Variants in CREBBP observed in about 807,000 individuals in gnomAD.
CREBBP encodes the protein CREB-binding protein.
CREBBP carries 19 observed loss-of-function variants against 265.0 expected under a neutral mutation model. That is an observed-to-expected ratio of 0.07 (90% CI 0.05 to 0.11). The LOEUF (loss-of-function observed/expected upper bound fraction) is 0.11. Among genes scored for constraint, CREBBP ranks in the 10% least tolerant of loss-of-function variants. The pLI is 1.00. For synonymous variants in CREBBP, 1,457 were observed against 1,223.7 expected (o/e 1.19, Z -3.98); for missense variants, 2,525 against 3,219.0 (o/e 0.78, Z 5.22).
At chr16:3,799,559 T>C (rs112999691) in intron 3 of CREBBP, among the ~76,000 whole-genome samples, 8 of 152,360 alleles carry the variant, frequency 5.3e-5, no homozygotes, top group African/African-American at 1.9e-4. Context: ...CTTCTCATGA[T>C]TCATTGTTAA....
intron 1 of CREBBP, among the ~76,000 whole-genome samples, chr16:3,868,686 C>T (rs994668304): frequency 1.3e-5 from 2 of 152,110 alleles, no homozygotes; most frequent in Non-Finnish European, 2.9e-5. Context: ...CCCTGACCAC[C>T]CAGCCTGAGG....
At chr16:3,832,184 T>G (rs930450428) in intron 2 of CREBBP, among the ~76,000 whole-genome samples, 1 of 152,068 alleles carries the variant, frequency 6.6e-6, no homozygotes, top group Non-Finnish European at 1.5e-5. Flanking sequence ...AGTAACTGAA[T>G]CATAATTTTA....
At chr16:3,734,940 C>A (rs2052013700) in intron 28 of CREBBP, among the ~76,000 whole-genome samples, 1 of 152,224 alleles carries the variant, frequency 6.6e-6, no homozygotes, top group African/African-American at 2.4e-5. Flanking sequence ...CACGCAAGAG[C>A]CACCTCCATT....
At chr16:3,793,885 A>T (rs1596948811) in intron 3 of CREBBP, among the ~76,000 whole-genome samples, 1 of 152,316 alleles carries the variant, frequency 6.6e-6, no homozygotes, top group East Asian at 1.9e-4. Flanking sequence ...TCTTCACTGT[A>T]GCAACCAAAA....
intron 15 of CREBBP, among the ~76,000 whole-genome samples, 198 bp from the exon 16 acceptor site, chr16:3,768,107 A>G (rs1333650382): frequency 7.4e-6 from 1 of 135,348 alleles, no homozygotes; most frequent in Admixed American, 7.8e-5. Context: ...GCACAGAGTC[A>G]GTGCAATTAT....
chr16:3,827,227 A>T (rs1346334113), intron 2 of CREBBP, among the ~76,000 whole-genome samples: 1 of 152,146 alleles, frequency 6.6e-6, no homozygotes, highest in Non-Finnish European at 1.5e-5. Context: ...AAATGTGATA[A>T]GTATCAACAG....
intron 25 of CREBBP, 142 bp downstream of exon 25, chr16:3,739,436 A>C (rs1183609614): frequency 1.1e-6 from 1 of 950,092 alleles, no homozygotes; most frequent in Non-Finnish European, 1.6e-6. Flanking sequence ...AACAAAACTA[A>C]CTACTTTGGT....
At chr16:3,850,185 G>T in intron 2 of CREBBP, 112 bp downstream of exon 2, 1 of 1,012,626 alleles carries the variant, frequency 9.9e-7, no homozygotes. Context: ...GTGGCACGTG[G>T]AGAGCCCAAG....
rs117037831 is a variant in CREBBP at position 3,867,061 on chromosome 16, A to G, written c.85+12771T>C. Among the ~76,000 whole-genome samples, 822 of 152,316 alleles carry G rather than the reference A, an allele frequency of 5.4e-3. 6 individuals are homozygous for G. The highest frequency in any genetic ancestry group is 8.9e-3 in the Non-Finnish European group (607 of 68,022). On this transcript the variant is annotated intron_variant, in intron 1 of 30. Coordinates refer to ENST00000262367, the MANE Select transcript of CREBBP (RefSeq NM_004380.3). ...GAAAATGTTCTTAGAAGTCCTACCC[A>G]TCAAGAAACTTTATCTGCTTGGTGT...
intron 16 of CREBBP, among the ~76,000 whole-genome samples, chr16:3,759,563 G>A (rs1021348915): frequency 1.5e-5 from 2 of 137,930 alleles, no homozygotes; most frequent in Non-Finnish European, 3.0e-5. Context: ...CTCCAGCCTG[G>A]ACAACAAGAG....
chr16:3,735,566 G>A (rs898277968), intron 28 of CREBBP, among the ~76,000 whole-genome samples: 10 of 152,082 alleles, frequency 6.6e-5, no homozygotes, highest in South Asian at 2.1e-4. Context: ...AAAGTGCGGG[G>A]TTACAGGTGT....
At position 3,728,426 on chromosome 16, in the gene CREBBP, T is replaced by G; in HGVS notation, c.6621A>C (p.Gln2207His). The G allele has an allele frequency of 6.2e-7, 1 of 1,612,398 alleles. No homozygotes were observed. Among genetic ancestry groups the G allele is most frequent in the South Asian group, 1.1e-5 (1 of 90,944 alleles). The change falls in exon 31 of 31, where the codon CAA becomes CAC. Residue 2207 changes from glutamine to histidine, a missense_variant. Gln to His is a conservative substitution (Grantham distance 24). Transcript: ENST00000262367. This position sits in a 1 kb window ranked among gnomAD's most constrained non-coding sequence, Gnocchi z 8.7. Reference sequence around the variant, plus strand: ...GCTGCTGCTGCTGTTGCTGCTGTTGTTGCTGCTGCTGTTGCTGCTGCTGCT... The same window carrying G: ...GCTGCTGCTGCTGTTGCTGCTGTTGGTGCTGCTGCTGTTGCTGCTGCTGCT... ...LLQQQQQQQQQQQQQQQQQQG... is the reference protein window; with the variant it reads ...LLQQQQQQQQHQQQQQQQQQG...
chr16:3,768,311 A>G (rs2107514), intron 15 of CREBBP, among the ~76,000 whole-genome samples: 1 of 151,342 alleles, frequency 6.6e-6, no homozygotes, highest in South Asian at 2.1e-4. Context: ...ACACTCGGCT[A>G]ATTTTTTATA....
Position 3,729,494 on chromosome 16 carries a change from G to A in CREBBP, c.5553C>T (p.Arg1851=), listed in dbSNP as rs1398006284. Residue 1851 remains arginine (R), a synonymous_variant, in exon 31 of 31, where the codon CGC becomes CGT. Coordinates refer to ENST00000262367, the MANE Select transcript of CREBBP (RefSeq NM_004380.3). ...GCAGGCGGTGCTGGATCTGCTGCTG[G>A]CGGAGCTTGTGTTTGATGTTGAGGC... ...PFCLNIKHKL[R]QQQIQHRLQQ... 1.9e-6 allele frequency: 3 copies of A among 1,614,206 alleles called. No individual in the cohort carries two copies. Among genetic ancestry groups the A allele is most frequent in the East Asian group, 2.2e-5 (1 of 44,888 alleles).
intron 2 of CREBBP, among the ~76,000 whole-genome samples, chr16:3,811,200 T>A (rs1216810473): frequency 6.6e-6 from 1 of 152,224 alleles, no homozygotes; most frequent in Non-Finnish European, 1.5e-5. Context: ...TTTCCATTAG[T>A]TCAAAACACA....
intron 25 of CREBBP, among the ~76,000 whole-genome samples, 178 bp from the exon 26 acceptor site, chr16:3,738,850 ATCC>A (rs1253222518): frequency 3.3e-5 from 5 of 152,204 alleles, no homozygotes; most frequent in Admixed American, 6.5e-5. Flanking sequence ...GGCTCAAGCA[ATCC>A]TCCTGCCTCA....
At chr16:3,876,399 C>CAAAA (rs71133663) in intron 1 of CREBBP, among the ~76,000 whole-genome samples, 6 of 18,158 alleles carry the variant, frequency 3.3e-4, no homozygotes, top group African/African-American at 9.1e-4. Context: ...TAAAGCTGAC[C>CAAAA]AAAAAAAAAA....
chr16:3,856,020 T>G (rs1668721727), intron 1 of CREBBP, among the ~76,000 whole-genome samples: 1 of 152,370 alleles, frequency 6.6e-6, no homozygotes, highest in East Asian at 1.9e-4. Flanking sequence ...TCATTATGCA[T>G]TGCATGCATG....
intron 1 of CREBBP, among the ~76,000 whole-genome samples, chr16:3,863,253 T>C (rs2055112993): frequency 6.6e-6 from 1 of 152,182 alleles, no homozygotes; most frequent in South Asian, 2.1e-4. Context: ...GTATCAGGTA[T>C]CAAAAAACAT....
Sources: allele counts gnomAD v4.1 joint callset (sites outside exome capture counted in the v4.1 genomes callset), GRCh38; gene constraint gnomAD v4.1.1; non-coding constraint Gnocchi (gnomAD v3.1); transcripts MANE v1.5; gene names NCBI Gene and HGNC (gene_info 2026-07-23, HGNC 2026-07-21).